Variants in YTHDC2 observed in about 807,000 individuals in gnomAD.
The protein encoded by YTHDC2 is YTH N6-methyladenosine RNA binding protein C2, also known as 3'-5' RNA helicase YTHDC2.
In YTHDC2, 45 loss-of-function variants were observed where a neutral mutation model predicts 174.9. That is an observed-to-expected ratio of 0.26 (90% CI 0.20 to 0.33). The LOEUF is 0.33. Ranked by LOEUF, YTHDC2 falls within the 10% of genes least tolerant of loss-of-function variation. YTHDC2 has a pLI of 1.00. For missense variants in YTHDC2, 1,650 were observed against 1,723.7 expected (o/e 0.96, Z 0.76); for synonymous variants, 657 against 574.5 (o/e 1.14, Z -2.05).
chr5:113,579,099 G>A (rs1164104401), intron 23 of YTHDC2, among the ~76,000 whole-genome samples: 1 of 151,626 alleles, frequency 6.6e-6, no homozygotes, highest in East Asian at 1.9e-4. Flanking sequence ...TTACCATTTT[G>A]TCTTTCTAAT....
At chr5:113,543,796 C>G (rs62373762) in intron 10 of YTHDC2, among the ~76,000 whole-genome samples, 5,226 of 152,308 alleles carry the variant, frequency 0.034, 140 homozygotes, top group African/African-American at 0.075. Flanking sequence ...TGTATGCCAA[C>G]ACATTCCCTT....
intron 2 of YTHDC2, among the ~76,000 whole-genome samples, chr5:113,518,135 G>T (rs766438587): frequency 6.8e-4 from 103 of 150,598 alleles, no homozygotes; most frequent in Non-Finnish European, 1.1e-3. Flanking sequence ...TGATCTGCCC[G>T]CCTTGGCCTC....
rs1774964303 is a variant in YTHDC2, at chr5:113,535,124, G to C, written c.946-518G>C. Among the ~76,000 whole-genome samples, 6 of 152,240 alleles carry C rather than the reference G, an allele frequency of 3.9e-5. No homozygotes were observed. The South Asian group carries it at 1.2e-3, about 32-fold the overall frequency. On this transcript the variant is annotated intron_variant, in intron 6 of 29. Coordinates refer to ENST00000161863, the MANE Select transcript of YTHDC2 (RefSeq NM_022828.5). ...AAAAGGGCAATATAGACAGCTCTCT[G>C]TATCTGTGGGTTCCATGACTATGGA...
intron 17 of YTHDC2, among the ~76,000 whole-genome samples, chr5:113,557,752 A>T (rs1162075890): frequency 6.6e-6 from 1 of 152,166 alleles, no homozygotes; most frequent in Non-Finnish European, 1.5e-5. Context: ...GTGAGCTGTG[A>T]TCATACCACT....
At chr5:113,531,310 C>G (rs762669361) in intron 4 of YTHDC2, among the ~76,000 whole-genome samples, 1 of 152,154 alleles carries the variant, frequency 6.6e-6, no homozygotes, top group African/African-American at 2.4e-5. Flanking sequence ...GGGCCACTCA[C>G]AGACACTGAG....
chr5:113,550,261 G>T (rs1383902331), intron 12 of YTHDC2, among the ~76,000 whole-genome samples: 1 of 151,978 alleles, frequency 6.6e-6, no homozygotes, highest in Non-Finnish European at 1.5e-5. Flanking sequence ...TGGGGCTCTA[G>T]AGGGAGGTCT....
At position 113,564,178 on chromosome 5, in the gene YTHDC2, C is replaced by T. The variant is rs528384186; in HGVS notation, c.2715+47C>T. ...TTCTGAAGACGTTGCTGGGTAAACA[C>T]GTTTCTGGGGCAAATGTAGGAATTT... On this transcript the variant is annotated intron_variant, in intron 20 of 29. Transcript: ENST00000161863. 56 of 1,502,398 alleles carry T rather than the reference C, an allele frequency of 3.7e-5. No homozygotes were observed. The East Asian group carries it at 3.7e-4, about 10-fold the overall frequency. 93.1% of individuals were successfully genotyped at this position (1,502,398 alleles called of 1,614,324 possible).
At chr5:113,543,918 G>A (rs1270181308) in intron 10 of YTHDC2, among the ~76,000 whole-genome samples, 1 of 152,008 alleles carries the variant, frequency 6.6e-6, no homozygotes, top group Admixed American at 6.6e-5. Flanking sequence ...TCTCTTTTCT[G>A]ACCACCTTAC....
At chr5:113,526,834 T>C in intron 4 of YTHDC2, 49 bp downstream of exon 4, 1 of 354,866 alleles carries the variant, frequency 2.8e-6, no homozygotes, top group Non-Finnish European at 4.4e-6. Flanking sequence ...AAAATATATA[T>C]ATATATATAT....
chr5:113,583,234 T>C (rs1778498127), intron 25 of YTHDC2: 1 of 152,172 alleles, frequency 6.6e-6, no homozygotes, highest in South Asian at 2.1e-4. Flanking sequence ...AATGCACTCA[T>C]TTTAACAGAT....
At chr5:113,591,004 C>A (rs748405981) in intron 26 of YTHDC2, 37 bp from the exon 27 acceptor site, 1 of 1,569,038 alleles carries the variant, frequency 6.4e-7, no homozygotes, top group Non-Finnish European at 8.7e-7. Flanking sequence ...TTTGAAAGGT[C>A]AGGTTACCTT....
intron 2 of YTHDC2, among the ~76,000 whole-genome samples, chr5:113,523,667 GA>G (rs1774025601): frequency 6.6e-6 from 1 of 151,964 alleles, no homozygotes; most frequent in African/African-American, 2.4e-5. Context: ...AAAATTCATT[GA>G]AATATTCAAT....
At position 113,536,195 on chromosome 5, in the gene YTHDC2, C is replaced by A. The variant is rs945335971; in HGVS notation, c.1102+397C>A. Among the ~76,000 whole-genome samples the A allele has an allele frequency of 5.3e-5, 8 of 152,128 alleles. 1 individual carries two copies. ...CCTTTATTAAAAACGGATTTTGCCA[C>A]CAGTCTTTAAAAAAATGATAAATTC... On this transcript the variant is annotated intron_variant, in intron 7 of 29. Coordinates refer to ENST00000161863, the MANE Select transcript of YTHDC2 (RefSeq NM_022828.5).
At chr5:113,541,955 A>G (rs371034807) in intron 9 of YTHDC2, among the ~76,000 whole-genome samples, 12 of 152,256 alleles carry the variant, frequency 7.9e-5, no homozygotes, top group Middle Eastern at 3.4e-3. Flanking sequence ...TTAAAGCCCT[A>G]TGGAATCTAG....
chr5:113,539,144 C>G lies in YTHDC2; in HGVS notation c.1173C>G (p.Asn391Lys), dbSNP rs941170031. The G allele has an allele frequency of 7.1e-7, 1 of 1,400,222 alleles. No homozygotes were observed. 86.7% of individuals were successfully genotyped at this position (1,400,222 alleles called of 1,614,324 possible). The change falls in exon 8 of 30, where the codon AAC (asparagine) becomes AAG (lysine). Residue 391 changes from asparagine to lysine, a missense_variant. Asn to Lys is a moderately conservative substitution (Grantham distance 94). This residue lies in a region of YTHDC2 where 411 missense variants were observed against 380.6 expected (regional missense o/e 1.08). Transcript: ENST00000161863. ...EDILRTTGYT[N>K]KEMLKYKKEK... is the part of the protein sequence containing the mutation. ...TTTTAAGAACAACTGGATATACAAACAAAGAAATGTTAAAATATAAAAAGG... is the reference window on the plus strand; with the variant it reads ...TTTTAAGAACAACTGGATATACAAAGAAAGAAATGTTAAAATATAAAAAGG...
In YTHDC2 at chr5:113,555,920, T is replaced by C. The variant is rs144834141; in HGVS notation, c.2134-132T>C. 4.2e-3 allele frequency: 2,248 copies of C among 529,654 alleles called. 42 individuals carry two copies. The highest frequency in any genetic ancestry group is 0.037 in the African/African-American group (1,916 of 51,542). 32.8% of individuals were successfully genotyped at this position (529,654 alleles called of 1,614,324 possible). A position where few individuals can be genotyped will look rare whatever the true frequency, so the allele number is the denominator to read the frequency against. ...AGGGTTTATTAAAAATCAGTACTGC[T>C]GTTTTAATTATTTAATCAAGAGAGG... On this transcript the variant is annotated intron_variant, in intron 16 of 29. Transcript: ENST00000161863.
At chr5:113,565,201 A>G (rs1413598781) in intron 20 of YTHDC2, among the ~76,000 whole-genome samples, 1 of 152,200 alleles carries the variant, frequency 6.6e-6, no homozygotes, top group Non-Finnish European at 1.5e-5. Context: ...AATTTTCAAA[A>G]ATAATTACAA....
intron 2 of YTHDC2, among the ~76,000 whole-genome samples, chr5:113,518,774 A>G (rs141119666): frequency 1.8e-4 from 28 of 151,938 alleles, no homozygotes; most frequent in African/African-American, 3.9e-4. Context: ...ATAGCTTTCA[A>G]TTTTTTTCTG....
intron 12 of YTHDC2, among the ~76,000 whole-genome samples, chr5:113,549,562 A>G (rs1000471331): frequency 1.3e-5 from 2 of 152,212 alleles, no homozygotes; most frequent in African/African-American, 4.8e-5. Flanking sequence ...ATACAAAACT[A>G]TAATAAAAGA....
Sources: allele counts gnomAD v4.1 joint callset (sites outside exome capture counted in the v4.1 genomes callset), GRCh38; gene constraint gnomAD v4.1.1; regional missense constraint gnomAD v4.1.1; transcripts MANE v1.5; gene names NCBI Gene and HGNC (gene_info 2026-07-23, HGNC 2026-07-21).